The following SNRNP70 variants were observed in gnomAD, a reference collection of about 807,000 sequenced individuals.
The protein encoded by SNRNP70 is U1 small nuclear ribonucleoprotein 70 kDa.
Under a neutral mutation model 50.5 loss-of-function variants are expected in SNRNP70, and 8 were observed. That is an observed-to-expected ratio of 0.16 (90% CI 0.09 to 0.29). SNRNP70 has a LOEUF of 0.29. SNRNP70 is among the 10% of genes least tolerant of loss of function. SNRNP70 has a pLI of 1.00. For missense variants in SNRNP70, 529 were observed against 663.5 expected (o/e 0.80, Z 2.23); for synonymous variants, 320 against 252.9 (o/e 1.27, Z -2.52).
Position 49,085,496 on chromosome 19 carries a change from C to G in SNRNP70, c.-151C>G, listed in dbSNP as rs1208701399. On this transcript the variant is annotated 5_prime_UTR_variant, in exon 1 of 10. Transcript: ENST00000598441. The stretch of plus-strand genomic sequence containing the variant: ...CGGGTGGCTGAGCAGCGGCCTGGTG[C>G]GCTCGCTTAGCGGGCGACGGAATCA... The G allele has an allele frequency of 8.8e-6, 4 of 453,144 alleles. No homozygotes were observed. Among genetic ancestry groups the G allele is most frequent in the South Asian group, 6.2e-5 (4 of 64,342 alleles). 28.1% of individuals were successfully genotyped at this position (453,144 alleles called of 1,614,324 possible).
Position 49,108,223 on chromosome 19 carries a change from G to GCCGGGA in SNRNP70, c.1101_1106dup (p.Asp375_Arg376dup), listed in dbSNP as rs769516396. On this transcript the variant is annotated inframe_insertion, in exon 10 of 10. Transcript: ENST00000598441. ...AGCCACCGGAGCGAGCGCGAGCGGC[G>GCCGGGA]CCGGGACCGGGATCGTGACCGTGAC... The GCCGGGA allele has an allele frequency of 5.2e-6, 8 of 1,533,904 alleles. No individual in the cohort carries two copies. The highest frequency in any genetic ancestry group is 4.1e-5 in the Admixed American group (2 of 48,518).
chr19:49,100,965 C>T (rs1052928543), intron 6 of SNRNP70, among the ~76,000 whole-genome samples: 22 of 152,222 alleles, frequency 1.4e-4, no homozygotes, highest in African/African-American at 4.6e-4. Flanking sequence ...CCACACTTCT[C>T]GGCCTGGCAT....
chr19:49,107,820 AGGGACC>A lies in SNRNP70; in HGVS notation c.705_710del (p.Asp236_Arg237del), dbSNP rs769210698. The stretch of plus-strand genomic sequence containing the variant: ...GCCCGGCCCCTCCCCGCTTCCGCAC[AGGGACC>A]GGGACCGGGACCGTGAGCGGGAGCG... On this transcript the variant is annotated inframe_deletion, in exon 10 of 10. Coordinates refer to ENST00000598441, the MANE Select transcript of SNRNP70 (RefSeq NM_003089.6). This position sits in a 1 kb window ranked among gnomAD's most constrained non-coding sequence, Gnocchi z 6.0. 5.6e-5 allele frequency: 90 copies of A among 1,595,614 alleles called. No homozygotes were observed. Among genetic ancestry groups the A allele is most frequent in the Middle Eastern group, 3.3e-4 (2 of 6,040 alleles).
At chr19:49,101,747 G>A (rs929659808) in intron 7 of SNRNP70, 27 of 480,622 alleles carry the variant, frequency 5.6e-5, no homozygotes, top group South Asian at 2.1e-4. Flanking sequence ...CTGGGTGGGG[G>A]GCTGGGGCCA....
At chr19:49,099,383 C>T (rs1020433241) in intron 6 of SNRNP70, among the ~76,000 whole-genome samples, 4 of 151,962 alleles carry the variant, frequency 2.6e-5, no homozygotes, top group Non-Finnish European at 5.9e-5. Context: ...CCCAGGAGTT[C>T]GAGACCTGCC....
At chr19:49,095,867 T>C (rs1277683994) in intron 4 of SNRNP70, among the ~76,000 whole-genome samples, 1 of 150,990 alleles carries the variant, frequency 6.6e-6, no homozygotes, top group African/African-American at 2.4e-5. Context: ...CCAACAACTA[T>C]AGCATTTCCA....
chr19:49,092,567 C>A (rs773165853), intron 4 of SNRNP70, among the ~76,000 whole-genome samples: 1 of 152,082 alleles, frequency 6.6e-6, no homozygotes, highest in Non-Finnish European at 1.5e-5. Flanking sequence ...CGCCACCATG[C>A]CCAGGTAATT....
intron 6 of SNRNP70, among the ~76,000 whole-genome samples, chr19:49,100,356 G>A (rs1363834708): frequency 6.6e-6 from 1 of 152,072 alleles, no homozygotes; most frequent in Non-Finnish European, 1.5e-5. Context: ...GGCCTTCCAG[G>A]GCTCTTCCCC....
At position 49,085,916 on chromosome 19, in the gene SNRNP70, C is replaced by G. The variant is rs75854963; in HGVS notation, c.-11+280C>G. Among the ~76,000 whole-genome samples the G allele has an allele frequency of 2.1e-3, 324 of 152,312 alleles. 1 individual carries two copies. Among genetic ancestry groups the G allele is most frequent in the Middle Eastern group, 0.014 (4 of 294 alleles). On this transcript the variant is annotated intron_variant, in intron 1 of 9. Transcript: ENST00000598441. ...GGACCCTTACCCATAATTCCTTTCG[C>G]TTTTTGCGGGGTCCAGGTCTGTTAC...
chr19:49,108,312 G>A lies in SNRNP70; in HGVS notation c.1183G>A (p.Gly395Arg). ...GCGGGGCAGGGATGAGGCCCGAGGTGGGGGCGGTGGCCAGGACAACGGGCT... is the reference window on the plus strand; with the variant it reads ...GCGGGGCAGGGATGAGGCCCGAGGTAGGGGCGGTGGCCAGGACAACGGGCT... Reference protein sequence around the residue: ...SERGRDEARGGGGGQDNGLEG... With the variant: ...SERGRDEARGRGGGQDNGLEG... Residue 395 changes from glycine to arginine, a missense_variant, in exon 10 of 10, where the codon GGG becomes AGG. Physicochemically the swap from Gly to Arg is moderately radical, Grantham distance 125. Around this residue, in one of 4 missense-constraint regions of SNRNP70, gnomAD observed 327 missense variants for 308.8 expected, o/e 1.06. Transcript: ENST00000598441. 1 of 1,590,142 alleles carries A rather than the reference G, an allele frequency of 6.3e-7. No homozygotes were observed. The highest frequency in any genetic ancestry group is 8.6e-7 in the Non-Finnish European group (1 of 1,169,220).
Position 49,094,778 on chromosome 19 carries a change from T to C in SNRNP70, c.266-3649T>C, listed in dbSNP as rs2040492109. On this transcript the variant is annotated intron_variant, in intron 4 of 9. Transcript: ENST00000598441. ...CTCCTTGCTGAGCGCTTGTACTTGG[T>C]GTTACTGACTTTCTCACAGCTTCCA... Among the ~76,000 whole-genome samples the C allele has an allele frequency of 4.6e-5, 7 of 152,298 alleles. No individual in the cohort carries two copies. In the South Asian group the frequency reaches 1.4e-3, roughly 32 times the overall value.
Position 49,104,482 on chromosome 19 carries a change from G to A in SNRNP70, c.476-152G>A, listed in dbSNP as rs1425742062. 1 of 650,902 alleles carries A rather than the reference G, an allele frequency of 1.5e-6. No individual in the cohort carries two copies. Among genetic ancestry groups the A allele is most frequent in the East Asian group, 2.9e-5 (1 of 34,566 alleles). The allele number at this position is 650,902 out of a possible 1,614,324, so 40.3% of individuals were successfully genotyped here. ...CCCTTCACCGGTTTGGGAGAGGGTTGGTCTGGCTGTCAGTTGCCTGGCTGT... is the reference window on the plus strand; with the variant it reads ...CCCTTCACCGGTTTGGGAGAGGGTTAGTCTGGCTGTCAGTTGCCTGGCTGT... On this transcript the variant is annotated intron_variant, in intron 7 of 9. Transcript: ENST00000598441. This position sits in a 1 kb window ranked among gnomAD's most constrained non-coding sequence, Gnocchi z 5.4.
chr19:49,086,323 T>G (rs113080554), intron 1 of SNRNP70, 82 bp from the exon 2 acceptor site: 3 of 1,442,042 alleles, frequency 2.1e-6, no homozygotes, highest in African/African-American at 2.9e-5. Context: ...CCTGTCTTTC[T>G]TATTTTGAGA....
At chr19:49,093,508 G>C (rs1335154003) in intron 4 of SNRNP70, among the ~76,000 whole-genome samples, 1 of 142,718 alleles carries the variant, frequency 7.0e-6, no homozygotes, top group African/African-American at 2.6e-5. Flanking sequence ...GTGAAACCCT[G>C]TTTCTGCTAA....
At position 49,086,442 on chromosome 19, in the gene SNRNP70, C is replaced by T. The variant is rs758209942; in HGVS notation, c.28C>T (p.Leu10=). MTQFLPPNL[L]ALFAPRDPIP... is the part of the protein sequence containing the mutation. Reference sequence around the variant, plus strand: ...GACCCAGTTCCTGCCGCCCAACCTTCTGGCCCTCTTTGCCCCCCGTGACCC... The same window carrying T: ...GACCCAGTTCCTGCCGCCCAACCTTTTGGCCCTCTTTGCCCCCCGTGACCC... Residue 10 remains leucine, a synonymous_variant, in exon 2 of 10, where the codon CTG becomes TTG. Transcript: ENST00000598441. 7 of 1,613,790 alleles carry T rather than the reference C, an allele frequency of 4.3e-6. No individual in the cohort carries two copies.
At chr19:49,089,818 A>C (rs1183322537) in intron 2 of SNRNP70, among the ~76,000 whole-genome samples, 1 of 150,650 alleles carries the variant, frequency 6.6e-6, no homozygotes, top group Non-Finnish European at 1.5e-5. Context: ...GCCCACCACC[A>C]CGCCCGGCTA....
chr19:49,096,426 C>T (rs1325853456), intron 4 of SNRNP70, among the ~76,000 whole-genome samples: 1 of 152,110 alleles, frequency 6.6e-6, no homozygotes, highest in Non-Finnish European at 1.5e-5. Context: ...TTCCATTTGT[C>T]CCAGATAGCG....
chr19:49,092,590 G>A (rs1470821103), intron 4 of SNRNP70, among the ~76,000 whole-genome samples: 1 of 151,586 alleles, frequency 6.6e-6, no homozygotes, highest in Non-Finnish European at 1.5e-5. Flanking sequence ...TGTAATTTTA[G>A]TAGAGATGGG....
chr19:49,107,569 T>C lies in SNRNP70; in HGVS notation c.578-56T>C. 4.5e-6 allele frequency: 7 copies of C among 1,548,906 alleles called. No individual in the cohort carries two copies. In the South Asian group the frequency reaches 6.7e-5, roughly 15 times the overall value. On this transcript the variant is annotated intron_variant, in intron 8 of 9. Transcript: ENST00000598441. The surrounding 1 kb of genome is among the most constrained non-coding windows in gnomAD (Gnocchi z 6.0). ...GCTCTTGGAGTCGGCTCATTTCTGC[T>C]CCTCCGGGCCCTGTCCCTGCCCAGA...
Sources: gnomAD v4.1 joint callset for allele counts (sites outside exome capture counted in the v4.1 genomes callset) on GRCh38, gnomAD v4.1.1 for gene constraint, gnomAD v4.1.1 regional missense constraint, Gnocchi (gnomAD v3.1) non-coding constraint, MANE v1.5 for transcripts, NCBI Gene and HGNC (gene_info 2026-07-23, HGNC 2026-07-21) for gene names.